The following VPS13B variants were observed in gnomAD, a reference collection of about 807,000 sequenced individuals.
VPS13B encodes intermembrane lipid transfer protein VPS13B.
In VPS13B, 285 loss-of-function variants were observed where a neutral mutation model predicts 426.4. The ratio of observed to expected loss-of-function variants is 0.67; its 90% CI spans 0.61 to 0.74. The LOEUF (loss-of-function observed/expected upper bound fraction) is 0.74. Ranked by LOEUF, VPS13B falls within the 30% of genes least tolerant of loss-of-function variation. The pLI is 0.00. For synonymous variants in VPS13B, 1,676 were observed against 1,676.4 expected, an observed-to-expected ratio of 1.00 and a Z score of 0.01; for missense variants, 4,537 against 4,782.6, an observed-to-expected ratio of 0.95 and a Z score of 1.51.
chr8:99,387,298 GCC>G (rs1563701801), intron 20 of VPS13B, among the ~76,000 whole-genome samples: 2 of 151,974 alleles, frequency 1.3e-5, no homozygotes, highest in Non-Finnish European at 2.9e-5. Context: ...GGTCACTGCA[GCC>G]TTAACTTCGT....
intron 50 of VPS13B, 52 bp from the exon 51 acceptor site, chr8:99,823,780 T>C: frequency 6.3e-7 from 1 of 1,577,602 alleles, no homozygotes; most frequent in Non-Finnish European, 8.7e-7. Flanking sequence ...TCAAGAGATT[T>C]TGATATGCCT....
chr8:99,697,213 A>G, intron 35 of VPS13B: 1 of 567,640 alleles, frequency 1.8e-6, no homozygotes, highest in Admixed American at 2.6e-5. Flanking sequence ...CAAGTGCACA[A>G]GGTAAAGCTG....
chr8:99,023,844 G>T (rs1465098381), intron 2 of VPS13B, among the ~76,000 whole-genome samples: 1 of 152,126 alleles, frequency 6.6e-6, no homozygotes, highest in African/African-American at 2.4e-5. Flanking sequence ...CCATATCCTT[G>T]TATTGTATAT....
At chr8:99,416,269 C>G (rs772526668) in intron 21 of VPS13B, among the ~76,000 whole-genome samples, 9 of 152,278 alleles carry the variant, frequency 5.9e-5, no homozygotes, top group African/African-American at 9.6e-5. Context: ...CCCGCCCCCC[C>G]ACCAAGCTCC....
At chr8:99,420,033 T>C (rs1382391563) in intron 21 of VPS13B, among the ~76,000 whole-genome samples, 1 of 152,202 alleles carries the variant, frequency 6.6e-6, no homozygotes, top group East Asian at 1.9e-4. Context: ...CTATTAGAAG[T>C]CATCCTTCTT....
intron 54 of VPS13B, among the ~76,000 whole-genome samples, chr8:99,837,815 G>A (rs1422580348): frequency 2.0e-5 from 3 of 152,214 alleles, no homozygotes; most frequent in Non-Finnish European, 4.4e-5. Context: ...GGAAGGAGCA[G>A]TCCTTCTGGA....
intron 21 of VPS13B, among the ~76,000 whole-genome samples, chr8:99,416,261 C>T (rs573995503): frequency 8.5e-5 from 13 of 152,252 alleles, no homozygotes; most frequent in South Asian, 6.2e-4. Flanking sequence ...TGGATGCCCC[C>T]GCCCCCCCAC....
chr8:99,484,798 G>T (rs1820215157), intron 25 of VPS13B, among the ~76,000 whole-genome samples: 1 of 149,900 alleles, frequency 6.7e-6, no homozygotes, highest in Admixed American at 6.7e-5. Context: ...CCTTAAAATT[G>T]ATCATCATAT....
chr8:99,621,805 T>C (rs951133846), intron 33 of VPS13B, among the ~76,000 whole-genome samples: 4 of 150,770 alleles, frequency 2.7e-5, no homozygotes, highest in Admixed American at 6.6e-5. Context: ...TGTTTGTTTG[T>C]TTTTTGTTTT....
In VPS13B at chr8:99,143,190, T is replaced by A. The variant is rs745988475; in HGVS notation, c.1843+25T>A. On this transcript the variant is annotated intron_variant, in intron 13 of 61. Coordinates refer to ENST00000357162, the MANE Select transcript of VPS13B (RefSeq NM_152564.5). ...GGTTTGTTTCTGGATTAATTTTGAA[T>A]CTTTTGCCATTTGTTTTGAGAATAA... 18 of 1,613,352 alleles carry A rather than the reference T, an allele frequency of 1.1e-5. No homozygotes were observed. In the Admixed American group the frequency reaches 3.0e-4, roughly 27 times the overall value.
intron 35 of VPS13B, chr8:99,698,081 A>G (rs1271404482): frequency 3.1e-6 from 1 of 325,158 alleles, no homozygotes; most frequent in Non-Finnish European, 6.0e-6. Flanking sequence ...CGTGAGAGCA[A>G]TTGCTTTGAG....
chr8:99,622,354 T>C (rs1310356496), intron 33 of VPS13B, among the ~76,000 whole-genome samples: 1 of 152,178 alleles, frequency 6.6e-6, no homozygotes, highest in East Asian at 1.9e-4. Context: ...CTGACACTGA[T>C]TACAGAGATA....
At chr8:99,316,030 G>T (rs944642740) in intron 19 of VPS13B, among the ~76,000 whole-genome samples, 2 of 152,146 alleles carry the variant, frequency 1.3e-5, no homozygotes, top group Admixed American at 6.5e-5. Flanking sequence ...TGTTGATTCT[G>T]GGTGCATTAT....
intron 30 of VPS13B, among the ~76,000 whole-genome samples, chr8:99,545,528 T>A (rs1254818836): frequency 6.6e-6 from 1 of 152,126 alleles, no homozygotes; most frequent in Non-Finnish European, 1.5e-5. Flanking sequence ...ATACAGCTGG[T>A]AGCTATTGGG....
chr8:99,063,278 C>T (rs538363381), intron 3 of VPS13B, among the ~76,000 whole-genome samples: 11 of 152,324 alleles, frequency 7.2e-5, no homozygotes, highest in South Asian at 2.1e-4. Flanking sequence ...TCGCCTCACC[C>T]GGGAAGTGCA....
chr8:99,701,163 G>GT (rs1251663829), intron 36 of VPS13B, among the ~76,000 whole-genome samples: 1 of 152,110 alleles, frequency 6.6e-6, no homozygotes, highest in Non-Finnish European at 1.5e-5. Context: ...TAAAAGTTCT[G>GT]TATTTTGTTT....
chr8:99,678,563 G>T (rs1831033427), intron 35 of VPS13B, among the ~76,000 whole-genome samples: 1 of 146,082 alleles, frequency 6.8e-6, no homozygotes, highest in African/African-American at 2.5e-5. Context: ...GGCTTAATCT[G>T]ATTCTGTTTT....
intron 17 of VPS13B, among the ~76,000 whole-genome samples, chr8:99,195,334 A>G (rs923364365): frequency 6.6e-6 from 1 of 152,146 alleles, no homozygotes; most frequent in Non-Finnish European, 1.5e-5. Flanking sequence ...AACCATTTAT[A>G]TGTTGGCCGT....
rs1259007178 is a variant in VPS13B at position 99,741,469 on chromosome 8, C to T, written c.7050+20422C>T. On this transcript the variant is annotated intron_variant, in intron 39 of 61. Transcript: ENST00000357162. ...GAATTGAACTCAGCTGTGCACCAAG[C>T]GGACCTAATAGACATCTACAGAACT... 4.6e-5 allele frequency among the ~76,000 whole-genome samples: 7 copies of T among 152,048 alleles called. 1 individual carries two copies. Among genetic ancestry groups the T allele is most frequent in the Middle Eastern group, 3.4e-3 (1 of 294 alleles).
Sources: gnomAD v4.1 joint callset for allele counts (sites outside exome capture counted in the v4.1 genomes callset) on GRCh38, gnomAD v4.1.1 for gene constraint, MANE v1.5 for transcripts, NCBI Gene and HGNC (gene_info 2026-07-23, HGNC 2026-07-21) for gene names.